TMTC4: variants seen among roughly 807,000 people sequenced by gnomAD.
TMTC4 encodes the protein transmembrane O-mannosyltransferase targeting cadherins 4, also known as protein O-mannosyl-transferase TMTC4.
A neutral mutation model predicts 86.0 loss-of-function variants in TMTC4; 65 were observed. That is an observed-to-expected ratio of 0.76 (90% CI 0.62 to 0.93). TMTC4 has a LOEUF of 0.93. TMTC4 is among the 40% of genes least tolerant of loss of function. The pLI is 0.00. For synonymous variants in TMTC4, 379 were observed against 382.5 expected (o/e 0.99, Z 0.11); for missense variants, 866 against 948.1 (o/e 0.91, Z 1.14).
intron 6 of TMTC4, among the ~76,000 whole-genome samples, chr13:100,655,668 A>G (rs1885019061): frequency 6.6e-6 from 1 of 152,228 alleles, no homozygotes; most frequent in African/African-American, 2.4e-5. Flanking sequence ...AAGAAAAGTT[A>G]CCACCACTGT....
chr13:100,656,392 G>A lies in TMTC4; in HGVS notation c.629C>T (p.Ala210Val), dbSNP rs376682122. The change falls in exon 6 of 19, where the codon GCA becomes GTA. Residue 210 changes from alanine (A) to valine (V), a missense_variant. Ala to Val is a moderately conservative substitution (Grantham distance 64). Coordinates refer to ENST00000342624, the MANE Select transcript of TMTC4 (RefSeq NM_032813.5). ...AACAGAATGCTTACTTTCTCTAAAT[G>A]CTTTACAGTAGCCAAGGAAAGATAA... is the stretch of plus-strand genomic sequence containing the variant. ...FLLSFLGYCK[A>V]FRESNKEGAH... 3 of 1,612,666 alleles carry A rather than the reference G, an allele frequency of 1.9e-6. No homozygotes were observed. The highest frequency in any genetic ancestry group is 2.5e-6 in the Non-Finnish European group (3 of 1,179,520).
chr13:100,609,676 T>TAC (rs373186529), intron 17 of TMTC4, among the ~76,000 whole-genome samples: 25,554 of 143,826 alleles, frequency 0.18, 2,729 homozygotes, highest in Non-Finnish European at 0.26. Flanking sequence ...TAAATGTATA[T>TAC]ATATACACAC....
intron 7 of TMTC4, among the ~76,000 whole-genome samples, chr13:100,641,841 C>G (rs1178955700): frequency 1.3e-5 from 2 of 152,180 alleles, no homozygotes; most frequent in Non-Finnish European, 2.9e-5. Context: ...GGATCAAAAC[C>G]ATTGATGAGG....
At chr13:100,641,052 C>T (rs572766104) in intron 7 of TMTC4, among the ~76,000 whole-genome samples, 1 of 148,972 alleles carries the variant, frequency 6.7e-6, no homozygotes, top group South Asian at 2.1e-4. Context: ...CCTCCCCCAC[C>T]CCCCTGACAC....
Position 100,674,735 on chromosome 13 carries a change from G to A in TMTC4, c.-208+9C>T. ...CGCTCGGCCCTGCAGGGGCCGCCCC[G>A]CGCGTTACCTGCAAGGAGCCTGAGC... On this transcript the variant is annotated intron_variant, in intron 1 of 18. Coordinates refer to ENST00000342624, the MANE Select transcript of TMTC4 (RefSeq NM_032813.5). 3 of 982,798 alleles carry A rather than the reference G, an allele frequency of 3.1e-6. No homozygotes were observed. Among genetic ancestry groups the A allele is most frequent in the Non-Finnish European group, 3.6e-6 (3 of 829,028 alleles). The allele number at this position is 982,798 out of a possible 1,614,324, so 60.9% of individuals were successfully genotyped here.
chr13:100,665,396 ACT>A (rs1269536721), intron 3 of TMTC4, among the ~76,000 whole-genome samples: 13 of 152,194 alleles, frequency 8.5e-5, no homozygotes, highest in African/African-American at 2.7e-4. Context: ...CAGTAACCAA[ACT>A]CTGATTAATT....
intron 4 of TMTC4, 125 bp from the exon 5 acceptor site, chr13:100,663,305 T>C (rs1432511163): frequency 3.6e-6 from 3 of 834,166 alleles, no homozygotes; most frequent in Non-Finnish European, 3.9e-6. Flanking sequence ...TTGTGCCAGC[T>C]TGATAAAAAC....
At chr13:100,674,523 T>G in intron 1 of TMTC4, 1 of 976,536 alleles carries the variant, frequency 1.0e-6, no homozygotes, top group Non-Finnish European at 1.2e-6. Context: ...GCCGCGCCCT[T>G]TGTCCCATGT....
rs79826384 is a variant in TMTC4, at chr13:100,657,200, T to C, written c.553-732A>G. Among the ~76,000 whole-genome samples the C allele has an allele frequency of 4.2e-3, 641 of 152,218 alleles. 7 individuals are homozygous for C. Among genetic ancestry groups the C allele is most frequent in the African/African-American group, 0.015 (623 of 41,528 alleles). ...GTCATGATATTTAAAAAATAAAATG[T>C]GATTGGAAACATGAAGGACATAAAG... On this transcript the variant is annotated intron_variant, in intron 5 of 18. Coordinates refer to ENST00000342624, the MANE Select transcript of TMTC4 (RefSeq NM_032813.5).
At chr13:100,671,699 C>A (rs977442167) in intron 1 of TMTC4, among the ~76,000 whole-genome samples, 1 of 152,172 alleles carries the variant, frequency 6.6e-6, no homozygotes, top group African/African-American at 2.4e-5. Flanking sequence ...GGCTGGCTCT[C>A]CCCTCCTTGC....
Position 100,642,290 on chromosome 13 carries a change from G to A in TMTC4, c.662C>T (p.Ser221Phe), listed in dbSNP as rs1326225874. 1 of 1,614,130 alleles carries A rather than the reference G, an allele frequency of 6.2e-7. No homozygotes were observed. Among genetic ancestry groups the A allele is most frequent in the East Asian group, 2.2e-5 (1 of 44,896 alleles). Reference sequence around the variant, plus strand: ...ACTCAGCAGCACCCAGAAGGTGGAAGAATGCGCTCCCTCCTTGTTACCTGC... The same window carrying A: ...ACTCAGCAGCACCCAGAAGGTGGAAAAATGCGCTCCCTCCTTGTTACCTGC... ...FRESNKEGAH[S>F]STFWVLLSIF... Residue 221 changes from serine (S) to phenylalanine (F), a missense_variant, in exon 7 of 19, where the codon TCT becomes TTT. By Grantham distance (155) the Ser-to-Phe change is radical (BLOSUM62 -2). Coordinates refer to ENST00000342624, the MANE Select transcript of TMTC4 (RefSeq NM_032813.5).
intron 3 of TMTC4, 39 bp downstream of exon 3, chr13:100,668,540 G>A (rs1886675607): frequency 6.3e-7 from 1 of 1,578,308 alleles, no homozygotes; most frequent in East Asian, 2.3e-5. Context: ...AGACACAGTT[G>A]GGCAGTTAAG....
chr13:100,670,166 G>A, intron 2 of TMTC4, 194 bp downstream of exon 2: 1 of 550,494 alleles, frequency 1.8e-6, no homozygotes, highest in Non-Finnish European at 3.1e-6. Context: ...TTCCTGCTGA[G>A]ATGAAAGAGA....
chr13:100,614,475 C>G, intron 15 of TMTC4, 45 bp from the exon 16 acceptor site: 1 of 1,327,322 alleles, frequency 7.5e-7, no homozygotes, highest in African/African-American at 1.5e-5. Flanking sequence ...AAGTTTCCTG[C>G]TTCCTCTTTC....
Position 100,656,541 on chromosome 13 carries a change from A to ATTTTTTTTTTTTTT in TMTC4, c.553-74_553-73insAAAAAAAAAAAAAA. ...GGAAATCCTAAACTTAGGAGACATA[A>ATTTTTTTTTTTTTT]CTTTTTTTTTTTTTTTTTTGCGACA... On this transcript the variant is annotated intron_variant, in intron 5 of 18. Transcript: ENST00000342624. 1.9e-5 allele frequency: 9 copies of ATTTTTTTTTTTTTT among 462,896 alleles called. 1 individual carries two copies. Among genetic ancestry groups the ATTTTTTTTTTTTTT allele is most frequent in the Admixed American group, 7.6e-5 (1 of 13,150 alleles). 28.7% of individuals were successfully genotyped at this position (462,896 alleles called of 1,614,324 possible). A position where few individuals can be genotyped will look rare whatever the true frequency, so the allele number is the denominator to read the frequency against.
intron 1 of TMTC4, chr13:100,674,431 G>A (rs1887567091): frequency 2.2e-6 from 2 of 908,188 alleles, no homozygotes; most frequent in Non-Finnish European, 2.6e-6. Context: ...GGCTGTGCAG[G>A]CAGGGGCTGG....
Position 100,635,119 on chromosome 13 carries a change from C to T in TMTC4, c.1279G>A (p.Val427Met), listed in dbSNP as rs757787021. The T allele has an allele frequency of 2.9e-5, 47 of 1,613,928 alleles. No homozygotes were observed. Among genetic ancestry groups the T allele is most frequent in the Admixed American group, 1.2e-4 (7 of 59,964 alleles). ...ASNLFFRVGFVVAERVLYLPS... is the reference protein window; with the variant it reads ...ASNLFFRVGFMVAERVLYLPS... ...AGGTAGAGGACACGCTCTGCGACCA[C>T]GAAGCCCACTCGGAAGAACAGGTTA... The change falls in exon 11 of 19, where the codon GTG (valine) becomes ATG (methionine). Residue 427 changes from valine (V) to methionine (M), a missense_variant. By Grantham distance (21) the Val-to-Met change is conservative. Transcript: ENST00000342624.
intron 12 of TMTC4, among the ~76,000 whole-genome samples, chr13:100,632,053 A>ACACTCTCTCACTCT (rs1296569630): frequency 2.3e-5 from 1 of 43,110 alleles, no homozygotes; most frequent in African/African-American, 8.5e-5. Context: ...ACACACACAC[A>ACACTCTCTCACTCT]CTCTCTCTCT....
chr13:100,651,355 A>G (rs1314284171), intron 6 of TMTC4, among the ~76,000 whole-genome samples: 2 of 152,078 alleles, frequency 1.3e-5, no homozygotes. Context: ...CAGAAGTAAT[A>G]CCCAGTGTGC....
Sources: allele counts gnomAD v4.1 joint callset (sites outside exome capture counted in the v4.1 genomes callset), GRCh38; gene constraint gnomAD v4.1.1; transcripts MANE v1.5; gene names NCBI Gene and HGNC (gene_info 2026-07-23, HGNC 2026-07-21).